The following CFAP54 variants were observed in gnomAD, a reference collection of about 807,000 sequenced individuals.
CFAP54 encodes cilia- and flagella-associated protein 54.
A neutral mutation model predicts 370.4 loss-of-function variants in CFAP54; 290 were observed. That is an observed-to-expected ratio of 0.78 (90% confidence interval 0.71 to 0.86). The LOEUF (loss-of-function observed/expected upper bound fraction) is 0.86, where lower values mean the gene tolerates loss of function less well. Among genes scored for constraint, CFAP54 ranks in the 40% least tolerant of loss-of-function variants. The pLI, the probability that CFAP54 is intolerant of heterozygous loss-of-function variation, is 0.00. For synonymous variants in CFAP54, 1,206 were observed against 1,236.5 expected, an observed-to-expected ratio of 0.98 and a Z score of 0.52; for missense variants, 3,399 against 3,528.7, an observed-to-expected ratio of 0.96 and a Z score of 0.93.
chr12:96,822,019 A>G (rs897711714), intron 65 of CFAP54, among the ~76,000 whole-genome samples: 3 of 152,168 alleles, frequency 2.0e-5, no homozygotes, highest in African/African-American at 4.8e-5. Context: ...TATCCCCCCA[A>G]AACCCTAGGG....
intron 45 of CFAP54, among the ~76,000 whole-genome samples, chr12:96,695,544 A>C (rs887126837): frequency 1.3e-5 from 2 of 152,346 alleles, no homozygotes; most frequent in South Asian, 4.1e-4. Context: ...CAACACTTTT[A>C]AAAGAAACTC....
At chr12:96,811,664 C>A in intron 63 of CFAP54, 72 bp from the exon 64 acceptor site, 1 of 775,100 alleles carries the variant, frequency 1.3e-6, no homozygotes, top group Non-Finnish European at 2.0e-6. Flanking sequence ...ATTTTGTGAA[C>A]TAATGCTGTA....
chr12:96,709,817 T>G (rs1409086805), intron 48 of CFAP54, among the ~76,000 whole-genome samples: 7 of 151,694 alleles, frequency 4.6e-5, no homozygotes, highest in Admixed American at 4.6e-4. Context: ...TGCTTCTGGG[T>G]TCAAGTGATT....
Position 96,576,686 on chromosome 12 carries a change from C to G in CFAP54, c.2721C>G (p.Pro907=). 1 of 1,535,756 alleles carries G rather than the reference C, an allele frequency of 6.5e-7. No homozygotes were observed. The highest frequency in any genetic ancestry group is 8.7e-7 in the Non-Finnish European group (1 of 1,146,624). Residue 907 remains proline, a synonymous_variant, in exon 20 of 68, where the codon CCC becomes CCG. Coordinates refer to ENST00000524981, the MANE Select transcript of CFAP54 (RefSeq NM_001306084.2). The part of the protein sequence containing the change: ...ESSKRKKSRV[P]PPPILLSRTH... ...CAAAAAGAAAGAAAAGCAGAGTCCC[C>G]CCTCCACCTATCCTGCTGTCTCGAA... is the stretch of plus-strand genomic sequence containing the variant.
intron 66 of CFAP54, among the ~76,000 whole-genome samples, chr12:96,846,973 G>A (rs566248026): frequency 6.6e-6 from 1 of 151,932 alleles, no homozygotes; most frequent in Admixed American, 6.6e-5. Context: ...CACAGTTAAG[G>A]GCTCAGTCCT....
chr12:96,799,505 C>T (rs927870366), intron 63 of CFAP54, among the ~76,000 whole-genome samples: 2 of 152,192 alleles, frequency 1.3e-5, no homozygotes, highest in Non-Finnish European at 1.5e-5. Context: ...CCTCCTGGGC[C>T]TGCCTCTCTT....
rs1254321672 is a variant in CFAP54, at chr12:96,547,980, T to A, written c.2154+2T>A. ...ACAGAAATTCTTCCAATATTACAGG[T>A]ATTACTACATATTTAGAAAATTTAG... On this transcript the variant is annotated splice_donor_variant, in intron 15 of 67. Coordinates refer to ENST00000524981, the MANE Select transcript of CFAP54 (RefSeq NM_001306084.2). LOFTEE classifies it high-confidence loss of function. The A allele has an allele frequency of 7.2e-7, 1 of 1,389,956 alleles. No homozygotes were observed. The highest frequency in any genetic ancestry group is 1.5e-5 in the African/African-American group (1 of 68,004). The allele number at this position is 1,389,956 out of a possible 1,614,324, so 86.1% of individuals were successfully genotyped here. A position where few individuals can be genotyped will look rare whatever the true frequency, so the allele number is the denominator to read the frequency against.
chr12:96,656,424 C>T (rs1956924099), intron 36 of CFAP54, among the ~76,000 whole-genome samples: 1 of 151,756 alleles, frequency 6.6e-6, no homozygotes, highest in Admixed American at 6.6e-5. Context: ...GTTGCCCAGG[C>T]TGGAGTACAA....
chr12:96,814,519 A>G (rs1228738597), intron 64 of CFAP54, among the ~76,000 whole-genome samples: 1 of 152,144 alleles, frequency 6.6e-6, no homozygotes, highest in Non-Finnish European at 1.5e-5. Flanking sequence ...CACCTTTTCC[A>G]GCATTATTGG....
At chr12:96,832,941 G>A (rs1035202) in intron 66 of CFAP54, among the ~76,000 whole-genome samples, 122,750 of 152,160 alleles carry the variant, frequency 0.81, 50,151 homozygotes, top group African/African-American at 0.94. Context: ...TGCCTTCATG[G>A]AGCTGTTTTT....
rs374051667 is a variant in CFAP54, at chr12:96,522,480, C to G, written c.1158+291C>G. Among the ~76,000 whole-genome samples, 14 of 152,286 alleles carry G rather than the reference C, an allele frequency of 9.2e-5. 1 individual carries two copies. In the South Asian group the frequency reaches 1.9e-3, roughly 20 times the overall value. On this transcript the variant is annotated intron_variant, in intron 8 of 67. Coordinates refer to ENST00000524981, the MANE Select transcript of CFAP54 (RefSeq NM_001306084.2). ...GAACTGGCTCTTGCAAATGAATAGG[C>G]CTCTGAGTGGTTCTGCACTTGCCTT...
chr12:96,824,788 TA>T (rs1959068302), intron 65 of CFAP54, among the ~76,000 whole-genome samples: 2 of 152,174 alleles, frequency 1.3e-5, no homozygotes, highest in Non-Finnish European at 2.9e-5. Flanking sequence ...AGTTCACTTT[TA>T]AACTGTGGTC....
intron 66 of CFAP54, among the ~76,000 whole-genome samples, chr12:96,840,303 A>G (rs1959203876): frequency 2.0e-5 from 3 of 152,226 alleles, no homozygotes; most frequent in Admixed American, 2.0e-4. Flanking sequence ...TTTTCTGGGT[A>G]CTGGATGGGA....
intron 64 of CFAP54, among the ~76,000 whole-genome samples, chr12:96,812,641 C>G (rs1958938919): frequency 6.6e-6 from 1 of 152,166 alleles, no homozygotes; most frequent in Non-Finnish European, 1.5e-5. Context: ...CCACTAACGC[C>G]TGTTCCATCA....
intron 9 of CFAP54, among the ~76,000 whole-genome samples, chr12:96,531,209 G>T (rs942641254): frequency 2.0e-5 from 3 of 151,922 alleles, no homozygotes; most frequent in Non-Finnish European, 2.9e-5. Flanking sequence ...GAAGTAGTTT[G>T]GCTGGATATA....
intron 32 of CFAP54, among the ~76,000 whole-genome samples, chr12:96,637,242 C>T (rs1403625712): frequency 6.6e-6 from 1 of 152,142 alleles, no homozygotes; most frequent in Non-Finnish European, 1.5e-5. Flanking sequence ...TTCTTTATTG[C>T]TGCATAATAT....
chr12:96,549,895 G>A (rs74857985), intron 15 of CFAP54, among the ~76,000 whole-genome samples: 2,712 of 152,208 alleles, frequency 0.018, 71 homozygotes, highest in African/African-American at 0.062. Context: ...AGGAGAATTC[G>A]CAATTCATAA....
At chr12:96,686,547 A>T (rs1957332132) in intron 42 of CFAP54, among the ~76,000 whole-genome samples, 1 of 152,176 alleles carries the variant, frequency 6.6e-6, no homozygotes. Flanking sequence ...AGAAGGCCAT[A>T]TTTGAATATG....
intron 14 of CFAP54, among the ~76,000 whole-genome samples, chr12:96,543,197 C>A (rs1278683118): frequency 6.6e-6 from 1 of 152,198 alleles, no homozygotes; most frequent in East Asian, 1.9e-4. Context: ...TCTGTGAGTT[C>A]AGGTCTAGGT....
Sources: gnomAD v4.1 joint callset for allele counts (sites outside exome capture counted in the v4.1 genomes callset) on GRCh38, gnomAD v4.1.1 for gene constraint, MANE v1.5 for transcripts, NCBI Gene and HGNC (gene_info 2026-07-23, HGNC 2026-07-21) for gene names.